Variants in TRMT44 observed in about 807,000 individuals in gnomAD.
TRMT44 encodes probable tRNA (uracil-O(2)-)-methyltransferase.
Under a neutral mutation model 77.3 loss-of-function variants are expected in TRMT44, and 78 were observed. That is an observed-to-expected ratio of 1.01 (90% CI 0.84 to 1.22). TRMT44 has a LOEUF of 1.22. TRMT44 is among the 50% of genes most tolerant of loss of function. The pLI is 0.00. For synonymous variants in TRMT44, 391 were observed against 383.3 expected (o/e 1.02, Z -0.23); for missense variants, 1,090 against 964.4 (o/e 1.13, Z -1.73).
chr4:8,500,074 T>A, the TRMT44 span, among the ~76,000 whole-genome samples: 1 of 151,566 alleles, frequency 6.6e-6, no homozygotes, highest in African/African-American at 2.4e-5. Context: ...ATGAAAAAAA[T>A]TAAAAATTAG....
rs529078354 is a variant in TRMT44, at chr4:8,444,924, G to A, written c.620-1552G>A. Among the ~76,000 whole-genome samples, 9 of 152,288 alleles carry A rather than the reference G, an allele frequency of 5.9e-5. No individual in the cohort carries two copies. The South Asian group carries it at 1.2e-3, about 21-fold the overall frequency. On this transcript the variant is annotated intron_variant, in intron 1 of 10. Coordinates refer to ENST00000389737, the MANE Select transcript of TRMT44 (RefSeq NM_152544.3). This position sits in a 1 kb window ranked among gnomAD's most constrained non-coding sequence, Gnocchi z 4.0. ...AAATCGAAATTTATCATTGTGTAGC[G>A]ACAACAGTGACAGCAGATTTGGGGT...
In TRMT44 at chr4:8,444,633, C is replaced by T. The variant is rs183627473; in HGVS notation, c.620-1843C>T. ...GACTGGTCTCCTACTCCTGACCTCA[C>T]GTGATCCGCCTGCCTTGGCCTCCCA... is the stretch of plus-strand genomic sequence containing the variant. On this transcript the variant is annotated intron_variant, in intron 1 of 10. Coordinates refer to ENST00000389737, the MANE Select transcript of TRMT44 (RefSeq NM_152544.3). The surrounding 1 kb of genome is among the most constrained non-coding windows in gnomAD (Gnocchi z 4.0). Among the ~76,000 whole-genome samples, 38 of 152,298 alleles carry T rather than the reference C, an allele frequency of 2.5e-4. No individual in the cohort carries two copies. In the East Asian group the frequency reaches 4.1e-3, roughly 16 times the overall value.
intron 6 of TRMT44, among the ~76,000 whole-genome samples, chr4:8,458,425 A>G (rs1221433043): frequency 6.6e-6 from 1 of 151,246 alleles, no homozygotes; most frequent in Non-Finnish European, 1.5e-5. Context: ...CACTCAATGA[A>G]TAGTAAATTT....
chr4:8,497,761 A>G (rs890302462), downstream of TRMT44, among the ~76,000 whole-genome samples: 4 of 152,218 alleles, frequency 2.6e-5, no homozygotes, highest in Non-Finnish European at 5.9e-5. Context: ...CCTGTTCTCC[A>G]TATCAGTCTC....
At chr4:8,496,937 T>C (rs1577072921), downstream of TRMT44, among the ~76,000 whole-genome samples, 1 of 152,176 alleles carries the variant, frequency 6.6e-6, no homozygotes, top group South Asian at 2.1e-4. Context: ...CTCTCACTTA[T>C]TCTGAGGCAG....
chr4:8,459,616 C>A (rs1485617168), intron 6 of TRMT44, among the ~76,000 whole-genome samples: 1 of 152,182 alleles, frequency 6.6e-6, no homozygotes, highest in Admixed American at 6.5e-5. Context: ...TAAAGATTTT[C>A]AATACATATT....
chr4:8,463,958 T>C (rs1726346283), intron 6 of TRMT44, 27 bp from the exon 7 acceptor site: 1 of 1,578,408 alleles, frequency 6.3e-7, no homozygotes, highest in African/African-American at 1.3e-5. Context: ...TCACAAAACA[T>C]TTCGTCTTGT....
chr4:8,482,049 G>A (rs770686592), intron 2 of TRMT44, among the ~76,000 whole-genome samples: 4 of 152,326 alleles, frequency 2.6e-5, no homozygotes, highest in South Asian at 2.1e-4. Context: ...GTTAAGGTGC[G>A]TGTCGAGGTC....
In TRMT44 at chr4:8,468,137, C is replaced by T; in HGVS notation, c.1718C>T (p.Ala573Val). 6.2e-7 allele frequency: 1 copy of T among 1,613,994 alleles called. No homozygotes were observed. The highest frequency in any genetic ancestry group is 1.3e-5 in the African/African-American group (1 of 75,056). ...GGGTGTGTAACCAGGGCCTGGGCCG[C>T]TGAGCATGGAGCAGGGCCCCAGGCT... is the stretch of plus-strand genomic sequence containing the variant. ...RVGCVTRAWA[A>V]EHGAGPQAEG... The change falls in exon 9 of 11, where the codon GCT (alanine) becomes GTT (valine). Residue 573 changes from alanine to valine, a missense_variant. Physicochemically the swap from Ala to Val is moderately conservative, Grantham distance 64. Transcript: ENST00000389737.
chr4:8,467,865 G>C (rs903542765), intron 8 of TRMT44, 49 bp from the exon 9 acceptor site: 2 of 1,522,702 alleles, frequency 1.3e-6, no homozygotes, highest in African/African-American at 2.8e-5. Flanking sequence ...GGAGAACGTT[G>C]AAATAGACTA....
At chr4:8,467,813 T>A in intron 8 of TRMT44, 101 bp from the exon 9 acceptor site, 3 of 1,292,450 alleles carry the variant, frequency 2.3e-6, no homozygotes, top group Middle Eastern at 1.9e-4. Flanking sequence ...ATGATAGACA[T>A]TGAAAACTTG....
chr4:8,508,456 G>A, the TRMT44 span, among the ~76,000 whole-genome samples: 5 of 152,194 alleles, frequency 3.3e-5, no homozygotes. Flanking sequence ...CCCTCCCCAA[G>A]TGACCCCCAG....
At chr4:8,481,096 G>T (rs181771876), downstream of TRMT44, among the ~76,000 whole-genome samples, 1 of 152,282 alleles carries the variant, frequency 6.6e-6, no homozygotes, top group African/African-American at 2.4e-5. Flanking sequence ...TAAGGGCAGC[G>T]ACTATTAGAC....
chr4:8,441,000 G>C lies in TRMT44; in HGVS notation c.178G>C (p.Gly60Arg), dbSNP rs1309306106. 6.6e-7 allele frequency: 1 copy of C among 1,519,810 alleles called. No homozygotes were observed. 94.1% of individuals were successfully genotyped at this position (1,519,810 alleles called of 1,614,324 possible). ...GCCCTGCGCGGAGGCCCGCGGCCCC[G>C]GGACTAGCGCAGGCTCGGAGCAGAA... ...ALPCAEARGP[G>R]TSAGSEQKER... The change falls in exon 1 of 11, where the codon GGG (glycine) becomes CGG (arginine). Residue 60 changes from glycine (G) to arginine (R), a missense_variant. Transcript: ENST00000389737.
At position 8,476,114 on chromosome 4, in the gene TRMT44, C is replaced by A; in HGVS notation, c.*113C>A. On this transcript the variant is annotated 3_prime_UTR_variant, in exon 11 of 11. Transcript: ENST00000389737. ...TGGCTGTGTTTCAGCCCACCTCCTCCCAGCTTTCTCCACATCCTCACAGTG... is the reference window on the plus strand; with the variant it reads ...TGGCTGTGTTTCAGCCCACCTCCTCACAGCTTTCTCCACATCCTCACAGTG... The A allele has an allele frequency of 2.3e-6, 2 of 882,392 alleles. No individual in the cohort carries two copies. The highest frequency in any genetic ancestry group is 2.5e-5 in the East Asian group (1 of 40,172). The allele number at this position is 882,392 out of a possible 1,614,324, so 54.7% of individuals were successfully genotyped here. A position where few individuals can be genotyped will look rare whatever the true frequency, so the allele number is the denominator to read the frequency against.
the TRMT44 span, among the ~76,000 whole-genome samples, chr4:8,513,563 C>T: frequency 6.6e-6 from 1 of 152,166 alleles, no homozygotes; most frequent in Non-Finnish European, 1.5e-5. Flanking sequence ...TGAAAAATGT[C>T]AGCTCATCAA....
At chr4:8,514,399 G>C in the TRMT44 span, among the ~76,000 whole-genome samples, 1 of 151,672 alleles carries the variant, frequency 6.6e-6, no homozygotes, top group South Asian at 2.1e-4. Context: ...TCAGCCTCCT[G>C]AGTAGCTGGG....
the TRMT44 span, among the ~76,000 whole-genome samples, chr4:8,514,933 T>G: frequency 6.6e-6 from 1 of 152,164 alleles, no homozygotes; most frequent in African/African-American, 2.4e-5. Context: ...CCACGTGCAC[T>G]GGGCACTTGG....
At chr4:8,477,934 C>T (rs1044680590), downstream of TRMT44, 1 of 152,842 alleles carries the variant, frequency 6.5e-6, no homozygotes, top group Non-Finnish European at 1.5e-5. Flanking sequence ...GGAAGGGGCA[C>T]ACCTCCTGAG....
Sources: gnomAD v4.1 joint callset for allele counts (sites outside exome capture counted in the v4.1 genomes callset) on GRCh38, gnomAD v4.1.1 for gene constraint, Gnocchi (gnomAD v3.1) non-coding constraint, MANE v1.5 for transcripts, NCBI Gene and HGNC (gene_info 2026-07-23, HGNC 2026-07-21) for gene names.